The following ST18 variants were observed in gnomAD, a reference collection of about 807,000 sequenced individuals.
ST18 encodes the protein suppression of tumorigenicity 18 protein.
A neutral mutation model predicts 110.0 loss-of-function variants in ST18; 50 were observed. The observed-to-expected ratio is 0.45, with a 90% CI of 0.36 to 0.58. The LOEUF is 0.58. Ranked by LOEUF, ST18 falls within the 20% of genes least tolerant of loss-of-function variation. The pLI is 0.00. For missense variants in ST18, 1,306 were observed against 1,280.1 expected, an observed-to-expected ratio of 1.02 and a Z score of -0.31; for synonymous variants, 461 against 452.4, an observed-to-expected ratio of 1.02 and a Z score of -0.24.
chr8:52,134,249 C>A (rs1444176203), intron 19 of ST18, among the ~76,000 whole-genome samples: 1 of 152,152 alleles, frequency 6.6e-6, no homozygotes, highest in African/African-American at 2.4e-5. Context: ...ACTACACCAA[C>A]AATCAACCAT....
At chr8:52,385,932 G>A (rs879938451) in intron 2 of ST18, among the ~76,000 whole-genome samples, 3 of 152,118 alleles carry the variant, frequency 2.0e-5, no homozygotes, top group Admixed American at 6.5e-5. Context: ...TGTGTCCTAG[G>A]GAAGGGCCCT....
At chr8:52,374,955 C>A (rs182173936) in intron 2 of ST18, among the ~76,000 whole-genome samples, 1 of 152,248 alleles carries the variant, frequency 6.6e-6, no homozygotes, top group African/African-American at 2.4e-5. Flanking sequence ...CTCACAGACT[C>A]CACTCGTGCA....
intron 8 of ST18, among the ~76,000 whole-genome samples, chr8:52,195,417 ATTT>A (rs2075891687): frequency 6.6e-6 from 1 of 152,096 alleles, no homozygotes. Context: ...GTGACTTTAT[ATTT>A]ATTTTTCAAA....
intron 17 of ST18, among the ~76,000 whole-genome samples, chr8:52,142,067 A>T (rs1297665985): frequency 6.6e-6 from 1 of 152,188 alleles, no homozygotes; most frequent in Non-Finnish European, 1.5e-5. Context: ...GCTCTGTGGC[A>T]TCCTGCTGCC....
intron 2 of ST18, among the ~76,000 whole-genome samples, chr8:52,280,554 CA>C (rs1437508190): frequency 6.6e-6 from 1 of 151,746 alleles, no homozygotes; most frequent in African/African-American, 2.4e-5. Context: ...AAATACAAAT[CA>C]AAAGAAAGTA....
At chr8:52,195,610 A>T (rs559616747) in intron 8 of ST18, among the ~76,000 whole-genome samples, 2 of 152,330 alleles carry the variant, frequency 1.3e-5, no homozygotes, top group African/African-American at 4.8e-5. Context: ...AAAGAAGATT[A>T]TTGCAACATC....
At chr8:52,336,251 C>T (rs565511392) in intron 2 of ST18, among the ~76,000 whole-genome samples, 13 of 152,190 alleles carry the variant, frequency 8.5e-5, no homozygotes, top group South Asian at 4.2e-4. Context: ...CGGGTTCAAG[C>T]GATTCTCCTG....
At chr8:52,271,583 AC>A (rs2095078758) in intron 2 of ST18, among the ~76,000 whole-genome samples, 1 of 152,216 alleles carries the variant, frequency 6.6e-6, no homozygotes, top group Admixed American at 6.5e-5. Context: ...GTAGTTTATA[AC>A]AATGGTTTTC....
At chr8:52,186,161 T>C (rs1228500982) in intron 8 of ST18, among the ~76,000 whole-genome samples, 1 of 152,152 alleles carries the variant, frequency 6.6e-6, no homozygotes, top group Non-Finnish European at 1.5e-5. Flanking sequence ...TGGGAGAAGG[T>C]ATTTGCAGTA....
At chr8:52,380,978 C>A (rs1472282226) in intron 2 of ST18, among the ~76,000 whole-genome samples, 1 of 152,174 alleles carries the variant, frequency 6.6e-6, no homozygotes, top group Non-Finnish European at 1.5e-5. Flanking sequence ...AATCATCTCT[C>A]CTTCTGGTAT....
intron 2 of ST18, among the ~76,000 whole-genome samples, chr8:52,321,489 G>A (rs1035160772): frequency 6.6e-6 from 1 of 152,066 alleles, no homozygotes; most frequent in African/African-American, 2.4e-5. Context: ...CAAGACAATG[G>A]CCACCAAGTG....
In ST18 at chr8:52,111,143, T is replaced by C. The variant is rs2040429141; in HGVS notation, c.*2055A>G. The C allele has an allele frequency of 5.1e-6, 2 of 392,202 alleles. No homozygotes were observed. Among genetic ancestry groups the C allele is most frequent in the East Asian group, 7.2e-5 (2 of 27,746 alleles). 24.3% of individuals were successfully genotyped at this position (392,202 alleles called of 1,614,324 possible). ...CCTGCTCAAACTATGCAAACACAAA[T>C]AAATTAACCTGAAGTCATAGCAAAT... On this transcript the variant is annotated 3_prime_UTR_variant, in exon 26 of 26. Transcript: ENST00000689386.
At chr8:52,365,028 C>T (rs1827271987) in intron 2 of ST18, among the ~76,000 whole-genome samples, 2 of 151,798 alleles carry the variant, frequency 1.3e-5, no homozygotes, top group South Asian at 2.1e-4. Context: ...GCAGGATAAT[C>T]GCTTGAACCT....
At chr8:52,203,235 AG>A (rs2078638062) in intron 8 of ST18, among the ~76,000 whole-genome samples, 1 of 152,204 alleles carries the variant, frequency 6.6e-6, no homozygotes, top group African/African-American at 2.4e-5. Context: ...ATATGCAAAA[AG>A]TTTCATTAGT....
intron 2 of ST18, among the ~76,000 whole-genome samples, chr8:52,240,769 G>T (rs562085371): frequency 2.0e-5 from 3 of 152,190 alleles, no homozygotes; most frequent in South Asian, 4.2e-4. Context: ...ACATCTAATG[G>T]TGCAGGATTT....
intron 9 of ST18, among the ~76,000 whole-genome samples, chr8:52,177,315 G>A (rs1249137398): frequency 6.6e-6 from 1 of 152,204 alleles, no homozygotes; most frequent in Non-Finnish European, 1.5e-5. Flanking sequence ...GATGAAGTCT[G>A]TGCCATAAAG....
At chr8:52,333,985 C>T (rs1810863292) in intron 2 of ST18, among the ~76,000 whole-genome samples, 1 of 152,216 alleles carries the variant, frequency 6.6e-6, no homozygotes, top group Non-Finnish European at 1.5e-5. Context: ...GGAGAGACAC[C>T]TGTCAGCTAC....
intron 2 of ST18, among the ~76,000 whole-genome samples, chr8:52,336,447 G>A (rs1812120395): frequency 6.6e-6 from 1 of 152,150 alleles, no homozygotes; most frequent in Non-Finnish European, 1.5e-5. Flanking sequence ...CACCACACCA[G>A]CCTGCTTCTT....
chr8:52,169,959 C>CA lies in ST18; in HGVS notation c.1069+1832dup, dbSNP rs373504161. ...ATTATATGTCCTGAATTTTTGAAAA[C>CA]AAAAAAAAAGAAGTTTCAAAAGCTC... On this transcript the variant is annotated intron_variant, in intron 10 of 25. Transcript: ENST00000689386. Among the ~76,000 whole-genome samples the CA allele has an allele frequency of 9.6e-3, 1,433 of 149,844 alleles. 24 individuals are homozygous for CA. Among genetic ancestry groups the CA allele is most frequent in the African/African-American group, 0.032 (1,298 of 40,898 alleles).
Sources: allele counts gnomAD v4.1 joint callset (sites outside exome capture counted in the v4.1 genomes callset), GRCh38; gene constraint gnomAD v4.1.1; transcripts MANE v1.5; gene names NCBI Gene and HGNC (gene_info 2026-07-23, HGNC 2026-07-21).